DMD: variants seen among roughly 807,000 people sequenced by gnomAD.
DMD encodes mutant dystrophin.
Under a neutral mutation model 330.1 loss-of-function variants are expected in DMD, and 63 were observed. That is an observed-to-expected ratio of 0.19 (90% CI 0.16 to 0.24). DMD has a LOEUF of 0.24. Among genes scored for constraint, DMD ranks in the 10% least tolerant of loss-of-function variants. DMD has a pLI of 1.00. For synonymous variants in DMD, 1,223 were observed against 959.8 expected (o/e 1.27, Z -5.07); for missense variants, 3,344 against 2,684.1 (o/e 1.25, Z -5.43).
intron 59 of DMD, among the ~76,000 whole-genome samples, chrX:31,468,187 T>A (rs1263476952): frequency 8.9e-6 from 1 of 112,053 alleles, no homozygotes; most frequent in Admixed American, 9.5e-5. Flanking sequence ...CTGATCGTAG[T>A]TATTTCTTCT....
intron 1 of DMD, among the ~76,000 whole-genome samples, chrX:33,130,794 G>A (rs1334772568): frequency 6.3e-5 from 7 of 110,870 alleles, no homozygotes; most frequent in Non-Finnish European, 1.1e-4. Context: ...CAGGTGATCC[G>A]CCTGCCTCGG....
At chrX:32,199,674 T>G (rs953057970) in intron 44 of DMD, among the ~76,000 whole-genome samples, 2 of 108,996 alleles carry the variant, frequency 1.8e-5, no homozygotes, top group African/African-American at 6.7e-5. Flanking sequence ...AGTGCAGTGG[T>G]GCTATCTCAG....
chrX:31,976,182 G>C (rs1389323187), intron 44 of DMD, among the ~76,000 whole-genome samples: 1 of 110,770 alleles, frequency 9.0e-6, no homozygotes, highest in Non-Finnish European at 1.9e-5. Flanking sequence ...GGCAGAAATG[G>C]AGAGAAGTGC....
chrX:32,837,346 G>C (rs1372238601), intron 4 of DMD, among the ~76,000 whole-genome samples: 1 of 111,590 alleles, frequency 9.0e-6, no homozygotes, highest in Non-Finnish European at 1.9e-5. Flanking sequence ...CAAAACACTG[G>C]AGGATTCTAT....
At chrX:31,872,178 G>A (rs16989899) in intron 48 of DMD, among the ~76,000 whole-genome samples, 3,517 of 109,416 alleles carry the variant, frequency 0.032, 134 homozygotes, top group African/African-American at 0.11. Flanking sequence ...AACTCGGAAT[G>A]TGCTCAGAGG....
intron 13 of DMD, among the ~76,000 whole-genome samples, chrX:32,587,017 C>A (rs1417000531): frequency 9.0e-6 from 1 of 111,227 alleles, no homozygotes; most frequent in East Asian, 2.8e-4. Context: ...TAGAGCGAAA[C>A]ATCAAAATGT....
chrX:31,515,537 T>C (rs1236147259), intron 55 of DMD, among the ~76,000 whole-genome samples: 1 of 107,080 alleles, frequency 9.3e-6, no homozygotes, highest in Non-Finnish European at 1.9e-5. Context: ...TTAAATTAGC[T>C]TGATGGGAAA....
intron 55 of DMD, among the ~76,000 whole-genome samples, chrX:31,594,128 T>A (rs2077005070): frequency 9.0e-6 from 1 of 111,258 alleles, no homozygotes; most frequent in African/African-American, 3.3e-5. Context: ...TGTGGAGGGC[T>A]ATCCTATGCA....
intron 47 of DMD, among the ~76,000 whole-genome samples, chrX:31,900,059 G>T (rs2094401579): frequency 9.0e-6 from 1 of 111,632 alleles, no homozygotes; most frequent in Admixed American, 9.5e-5. Flanking sequence ...GGAAGGACTC[G>T]GTGTAACAGT....
chrX:31,156,932 C>G (rs892886108), intron 74 of DMD, among the ~76,000 whole-genome samples: 2 of 111,478 alleles, frequency 1.8e-5, no homozygotes, highest in Non-Finnish European at 3.8e-5. Flanking sequence ...TAGCCACCCC[C>G]AAATTTTGGA....
At chrX:32,332,646 G>C (rs1008951603) in intron 41 of DMD, among the ~76,000 whole-genome samples, 2 of 110,610 alleles carry the variant, frequency 1.8e-5, no homozygotes, top group East Asian at 2.9e-4. Context: ...AAAGTATTAA[G>C]AGATAAGGCC....
chrX:32,201,482 C>G (rs60067112), intron 44 of DMD, among the ~76,000 whole-genome samples: 4 of 94,546 alleles, frequency 4.2e-5, no homozygotes, highest in East Asian at 6.8e-4. Context: ...CCCCCCCCCC[C>G]CAACAAGGAG....
At chrX:32,863,736 T>A (rs1384899689) in intron 2 of DMD, among the ~76,000 whole-genome samples, 2 of 111,238 alleles carry the variant, frequency 1.8e-5, no homozygotes, top group Non-Finnish European at 3.8e-5. Context: ...CTTTAATTAA[T>A]GAATGTAAAA....
chrX:32,194,530 A>G (rs1206616459), intron 44 of DMD, among the ~76,000 whole-genome samples: 1 of 112,003 alleles, frequency 8.9e-6, no homozygotes, highest in African/African-American at 3.3e-5. Flanking sequence ...TTTTTCCTCT[A>G]TTCACTGCCG....
At chrX:31,135,581 A>C (rs1289575403) in intron 76 of DMD, among the ~76,000 whole-genome samples, 1 of 112,014 alleles carries the variant, frequency 8.9e-6, no homozygotes, top group African/African-American at 3.2e-5. Flanking sequence ...GATGATATTC[A>C]CTGGGAATGG....
intron 44 of DMD, among the ~76,000 whole-genome samples, chrX:32,183,757 C>T (rs1315930151): frequency 2.8e-5 from 3 of 108,980 alleles, no homozygotes; most frequent in Non-Finnish European, 5.7e-5. Context: ...TCATGAGTTC[C>T]CAAACTACAA....
chrX:32,398,800 A>G (rs1208270180), intron 30 of DMD, among the ~76,000 whole-genome samples: 1 of 111,925 alleles, frequency 8.9e-6, no homozygotes, highest in Non-Finnish European at 1.9e-5. Flanking sequence ...CTAAGCAAAA[A>G]AGAATGAAAC....
chrX:32,785,381 AATT>A (rs1420049197), intron 7 of DMD, among the ~76,000 whole-genome samples: 1 of 111,114 alleles, frequency 9.0e-6, no homozygotes, highest in Non-Finnish European at 1.9e-5. Flanking sequence ...TTAAAGTTTG[AATT>A]ATTATGATTA....
intron 70 of DMD, chrX:31,178,241 C>T (rs1224933071): frequency 1.3e-6 from 1 of 751,803 alleles, no homozygotes; most frequent in African/African-American, 2.3e-5. Context: ...GAAGTAGTTT[C>T]CTGTGACTAT....
Sources: gnomAD v4.1 joint callset for allele counts (sites outside exome capture counted in the v4.1 genomes callset) on GRCh38, gnomAD v4.1.1 for gene constraint, MANE v1.5 for transcripts, NCBI Gene and HGNC (gene_info 2026-07-23, HGNC 2026-07-21) for gene names.